SORCS1: variants seen among roughly 807,000 people sequenced by gnomAD.
SORCS1 encodes the protein sortilin related VPS10 domain containing receptor 1.
SORCS1 carries 60 observed loss-of-function variants against 146.1 expected under a neutral mutation model. The observed-to-expected ratio is 0.41, with a 90% CI of 0.33 to 0.51. The LOEUF (loss-of-function observed/expected upper bound fraction) is 0.51. Among genes scored for constraint, SORCS1 ranks in the 20% least tolerant of loss-of-function variants. SORCS1 has a pLI of 0.21. For synonymous variants in SORCS1, 637 were observed against 584.0 expected, an observed-to-expected ratio of 1.09 and a Z score of -1.31; for missense variants, 1,352 against 1,487.6, an observed-to-expected ratio of 0.91 and a Z score of 1.50.
intron 3 of SORCS1, 55 bp from the exon 4 acceptor site, chr10:106,776,747 T>G (rs556643405): frequency 1.9e-6 from 3 of 1,576,714 alleles, no homozygotes; most frequent in Admixed American, 3.6e-5. Flanking sequence ...TTTACAAATT[T>G]GCAAAACTTG....
rs34281726 is a variant in SORCS1, at chr10:107,045,336, T to C, written c.559-88756A>G. The stretch of plus-strand genomic sequence containing the variant: ...TTTCAGGTAAGTAGTCTGAGGTCCA[T>C]ACTTTTCCTAAATTTGCTGCAAATA... On this transcript the variant is annotated intron_variant, in intron 1 of 25. Transcript: ENST00000263054. 3.8e-3 allele frequency among the ~76,000 whole-genome samples: 585 copies of C among 152,308 alleles called. 8 individuals carry two copies. Among genetic ancestry groups the C allele is most frequent in the South Asian group, 0.03 (146 of 4,828 alleles).
chr10:107,005,935 A>G (rs1022919156), intron 1 of SORCS1, among the ~76,000 whole-genome samples: 7 of 152,244 alleles, frequency 4.6e-5, no homozygotes, highest in Admixed American at 6.5e-5. Flanking sequence ...ATAGAAAATT[A>G]TATCAATTGC....
intron 2 of SORCS1, among the ~76,000 whole-genome samples, chr10:106,923,817 T>C (rs938540607): frequency 7.9e-5 from 12 of 152,268 alleles, no homozygotes; most frequent in African/African-American, 1.2e-4. Context: ...TTTGTTTGTG[T>C]TTGATTTTTT....
chr10:106,768,781 C>A (rs1859767915), intron 4 of SORCS1, among the ~76,000 whole-genome samples: 1 of 152,166 alleles, frequency 6.6e-6, no homozygotes, highest in Non-Finnish European at 1.5e-5. Flanking sequence ...TGCACCACAC[C>A]AGGGGTGCTT....
intron 2 of SORCS1, among the ~76,000 whole-genome samples, chr10:106,933,911 T>C (rs1191573961): frequency 6.6e-6 from 1 of 152,084 alleles, no homozygotes; most frequent in Non-Finnish European, 1.5e-5. Flanking sequence ...CTGGCCAACA[T>C]GGCGAAACCC....
chr10:106,671,306 C>A lies in SORCS1; in HGVS notation c.2120G>T (p.Cys707Phe). 1 of 1,614,180 alleles carries A rather than the reference C, an allele frequency of 6.2e-7. No homozygotes were observed. The highest frequency in any genetic ancestry group is 8.5e-7 in the Non-Finnish European group (1 of 1,180,014). ...IYKKRKSERK[C>F]MQGKYAGAME... ...AGCTCCTGCATATTTTCCTTGCATA[C>A]ACTTCCGCTCTGATTTTCGCTTCTT... The change falls in exon 16 of 26, where the codon TGT becomes TTT. Residue 707 changes from cysteine (C) to phenylalanine (F), a missense_variant. Transcript: ENST00000263054.
At chr10:106,829,969 T>C (rs1007846945) in intron 2 of SORCS1, among the ~76,000 whole-genome samples, 2 of 152,210 alleles carry the variant, frequency 1.3e-5, no homozygotes, top group Non-Finnish European at 2.9e-5. Flanking sequence ...GTCCCTTGAT[T>C]TGACCAAAGA....
chr10:106,969,906 T>C (rs1955684118), intron 1 of SORCS1: 1 of 152,186 alleles, frequency 6.6e-6, no homozygotes, highest in Middle Eastern at 3.1e-3. Context: ...AGATGCTCAT[T>C]AAGCCTTTTC....
At position 106,673,185 on chromosome 10, in the gene SORCS1, G is replaced by A. The variant is rs191682541; in HGVS notation, c.1941-200C>T. Among the ~76,000 whole-genome samples, 269 of 150,270 alleles carry A rather than the reference G, an allele frequency of 1.8e-3. 1 individual carries two copies. The highest frequency in any genetic ancestry group is 5.8e-3 in the African/African-American group (238 of 40,818). ...TCTCGCTCTGTCACCAGGCTGGAGC[G>A]CAGTGGTGCGATCTCGGCTCACTAC... On this transcript the variant is annotated intron_variant, in intron 14 of 25. Coordinates refer to ENST00000263054, the MANE Select transcript of SORCS1 (RefSeq NM_052918.5).
intron 15 of SORCS1, among the ~76,000 whole-genome samples, chr10:106,672,283 G>A (rs1490500319): frequency 6.6e-6 from 1 of 152,168 alleles, no homozygotes; most frequent in East Asian, 1.9e-4. Flanking sequence ...GAAATCAAGG[G>A]AGAGACACTT....
intron 1 of SORCS1, among the ~76,000 whole-genome samples, chr10:107,149,366 C>T (rs1397105616): frequency 6.6e-6 from 1 of 151,682 alleles, no homozygotes; most frequent in Non-Finnish European, 1.5e-5. Context: ...ATTGCATTTT[C>T]TTACTGCTGT....
chr10:106,595,173 T>C (rs1845833954), intron 24 of SORCS1, among the ~76,000 whole-genome samples: 1 of 152,196 alleles, frequency 6.6e-6, no homozygotes, highest in African/African-American at 2.4e-5. Flanking sequence ...CAGCCTTTTC[T>C]TCAGAGAATT....
intron 2 of SORCS1, among the ~76,000 whole-genome samples, chr10:106,866,021 A>C (rs1281020000): frequency 1.3e-5 from 2 of 149,660 alleles, no homozygotes; most frequent in African/African-American, 5.0e-5. Flanking sequence ...TGACAGAATG[A>C]GATTCCGTCT....
Position 107,103,321 on chromosome 10 carries a change from T to C in SORCS1, c.558+60648A>G, listed in dbSNP as rs112354294. Among the ~76,000 whole-genome samples, 42 of 152,332 alleles carry C rather than the reference T, an allele frequency of 2.8e-4. 1 individual carries two copies. Among genetic ancestry groups the C allele is most frequent in the African/African-American group, 8.9e-4 (37 of 41,582 alleles). ...GCCCTTGATGTGCAAATAATTGGCC[T>C]GGCCTGGCTTTTGTCATTGTGGATG... On this transcript the variant is annotated intron_variant, in intron 1 of 25. Transcript: ENST00000263054.
intron 2 of SORCS1, among the ~76,000 whole-genome samples, chr10:106,918,402 A>T (rs1369662260): frequency 1.3e-5 from 2 of 152,072 alleles, no homozygotes; most frequent in African/African-American, 4.8e-5. Flanking sequence ...TGACCTGGTG[A>T]TCCACCCGCC....
At chr10:106,822,780 T>TG (rs1488020398) in intron 3 of SORCS1, among the ~76,000 whole-genome samples, 1 of 142,576 alleles carries the variant, frequency 7.0e-6, no homozygotes, top group African/African-American at 2.8e-5. Context: ...AATTCATGTG[T>TG]GGTTTTTTTT....
Position 106,620,432 on chromosome 10 carries a change from G to A in SORCS1, c.2792C>T (p.Thr931Met), listed in dbSNP as rs1342440262. Residue 931 changes from threonine to methionine, a missense_variant, in exon 20 of 26, where the codon ACG becomes ATG. By Grantham distance (81) the Thr-to-Met change is moderately conservative (BLOSUM62 -1). Coordinates refer to ENST00000263054, the MANE Select transcript of SORCS1 (RefSeq NM_052918.5). The part of the protein sequence containing the change: ...LTYVWWYGNN[T>M]EPLITLEGSI... ...GCATGTGGAAGGTGAACCCACCTCCGTGTTGTTTCCGTACCACCACACGTA... is the reference window on the plus strand; with the variant it reads ...GCATGTGGAAGGTGAACCCACCTCCATGTTGTTTCCGTACCACCACACGTA... 15 of 1,612,576 alleles carry A rather than the reference G, an allele frequency of 9.3e-6. 1 individual carries two copies. Among genetic ancestry groups the A allele is most frequent in the Admixed American group, 3.3e-5 (2 of 59,916 alleles).
intron 24 of SORCS1, 89 bp downstream of exon 24, chr10:106,597,262 C>CCAT: frequency 2.0e-6 from 2 of 1,007,736 alleles, no homozygotes; most frequent in Non-Finnish European, 3.1e-6. Context: ...AGCATTGTTA[C>CCAT]CATCTAGCCT....
intron 1 of SORCS1, among the ~76,000 whole-genome samples, chr10:106,968,079 G>C (rs900902323): frequency 2.0e-4 from 30 of 151,806 alleles, no homozygotes; most frequent in Non-Finnish European, 3.2e-4. Flanking sequence ...GCGTGGTGGC[G>C]GGTGCCTGTA....
Sources: gnomAD v4.1 joint callset for allele counts (sites outside exome capture counted in the v4.1 genomes callset) on GRCh38, gnomAD v4.1.1 for gene constraint, MANE v1.5 for transcripts, NCBI Gene and HGNC (gene_info 2026-07-23, HGNC 2026-07-21) for gene names.